MS4A5: variants seen among roughly 807,000 people sequenced by gnomAD.
MS4A5 encodes the protein membrane spanning 4-domains A5.
Under a neutral mutation model 18.2 loss-of-function variants are expected in MS4A5, and 15 were observed. The observed-to-expected ratio is 0.83, with a 90% CI of 0.55 to 1.27. The LOEUF (loss-of-function observed/expected upper bound fraction) is 1.27, where lower values mean the gene tolerates loss of function less well. Ranked by LOEUF, MS4A5 falls within the 50% of genes most tolerant of loss-of-function variation. The pLI, the probability that MS4A5 is intolerant of heterozygous loss-of-function variation, is 0.00. For synonymous variants in MS4A5, 89 were observed against 78.7 expected (o/e 1.13, Z -0.69); for missense variants, 232 against 225.7 (o/e 1.03, Z -0.18).
intron 1 of MS4A5, 55 bp downstream of exon 1, chr11:60,429,882 A>T: frequency 6.6e-7 from 1 of 1,525,658 alleles, no homozygotes; most frequent in Non-Finnish European, 8.9e-7. Context: ...AAGGCTAGGG[A>T]AATTATCTGT....
At chr11:60,432,067 C>T (rs1353814539) in intron 2 of MS4A5, among the ~76,000 whole-genome samples, 2 of 152,148 alleles carry the variant, frequency 1.3e-5, no homozygotes, top group Non-Finnish European at 2.9e-5. Context: ...GGAATCCAAT[C>T]TTAATGATTA....
chr11:60,433,608 C>A (rs955280745), intron 3 of MS4A5, among the ~76,000 whole-genome samples, 157 bp from the exon 4 acceptor site: 1 of 152,124 alleles, frequency 6.6e-6, no homozygotes, highest in Admixed American at 6.5e-5. Flanking sequence ...AGGCCTGAAG[C>A]CCAAAGATGT....
At chr11:60,444,960 C>G (rs11600482) in intron 4 of MS4A5, among the ~76,000 whole-genome samples, 1 of 152,014 alleles carries the variant, frequency 6.6e-6, no homozygotes, top group African/African-American at 2.4e-5. Flanking sequence ...TGATAAGGAA[C>G]TCAAATTTCT....
chr11:60,447,371 A>ATGCTATGCT (rs1565190029), intron 4 of MS4A5, among the ~76,000 whole-genome samples: 4 of 100,376 alleles, frequency 4.0e-5, no homozygotes, highest in East Asian at 3.2e-4. Context: ...TATGCTATGC[A>ATGCTATGCT]ATGCAGTGCT....
At chr11:60,433,714 G>C (rs1340077188) in intron 3 of MS4A5, 51 bp from the exon 4 acceptor site, 1 of 1,565,222 alleles carries the variant, frequency 6.4e-7, no homozygotes, top group Non-Finnish European at 8.8e-7. Flanking sequence ...TGCTTTGTTT[G>C]TAGTACAGGC....
At chr11:60,442,358 A>G (rs2086117644) in intron 4 of MS4A5, among the ~76,000 whole-genome samples, 1 of 152,216 alleles carries the variant, frequency 6.6e-6, no homozygotes, top group Non-Finnish European at 1.5e-5. Flanking sequence ...TAAGAATACA[A>G]TAGCCATCAT....
In MS4A5 at chr11:60,433,923, T is replaced by A. The variant is rs780234166; in HGVS notation, c.492+6T>A. On this transcript the variant is annotated splice_donor_region_variant and intron_variant, in intron 4 of 4. Coordinates refer to ENST00000300190, the MANE Select transcript of MS4A5 (RefSeq NM_023945.3). ...CTGTTACTGTCCTGTTCTTGGTAAG[T>A]ATGTTGCATTTATAGAGTGATGAGT... is the stretch of plus-strand genomic sequence containing the variant. 5.6e-6 allele frequency: 9 copies of A among 1,613,296 alleles called. No homozygotes were observed. The highest frequency in any genetic ancestry group is 6.8e-6 in the Non-Finnish European group (8 of 1,179,390).
intron 4 of MS4A5, among the ~76,000 whole-genome samples, chr11:60,442,517 G>A (rs1176261764): frequency 6.6e-6 from 1 of 152,106 alleles, no homozygotes; most frequent in Non-Finnish European, 1.5e-5. Flanking sequence ...GGGAGGGAGA[G>A]CTTTAGAACA....
chr11:60,446,197 T>G (rs900298261), intron 4 of MS4A5, among the ~76,000 whole-genome samples: 1 of 152,142 alleles, frequency 6.6e-6, no homozygotes, highest in Non-Finnish European at 1.5e-5. Flanking sequence ...TTAAAAACCA[T>G]GTGGCTCTAA....
intron 4 of MS4A5, among the ~76,000 whole-genome samples, chr11:60,440,972 G>A (rs1157908953): frequency 8.0e-5 from 5 of 62,630 alleles, no homozygotes; most frequent in African/African-American, 2.4e-4. Context: ...AAAGACACAC[G>A]CACACGTATG....
At chr11:60,436,606 C>T (rs1201450906) in intron 4 of MS4A5, among the ~76,000 whole-genome samples, 1 of 133,630 alleles carries the variant, frequency 7.5e-6, no homozygotes, top group Non-Finnish European at 1.7e-5. Context: ...AACCAAGGCT[C>T]GAGAACTACG....
At chr11:60,446,455 GGGCCGGGCCATGGT>G (rs368926270) in intron 4 of MS4A5, among the ~76,000 whole-genome samples, 50 of 152,232 alleles carry the variant, frequency 3.3e-4, no homozygotes, top group African/African-American at 1.1e-3. Flanking sequence ...AACACAGGTG[GGGCCGGGCCATGGT>G]GGCTCATGCC....
chr11:60,433,727 G>A (rs770124384), intron 3 of MS4A5, 38 bp from the exon 4 acceptor site: 10 of 1,601,810 alleles, frequency 6.2e-6, no homozygotes, highest in East Asian at 2.2e-5. Flanking sequence ...GTACAGGCTG[G>A]ACCTCAGTCA....
chr11:60,435,929 G>T (rs1364458280), intron 4 of MS4A5, among the ~76,000 whole-genome samples: 1 of 152,238 alleles, frequency 6.6e-6, no homozygotes, highest in African/African-American at 2.4e-5. Flanking sequence ...TGGATCCCAC[G>T]ACAGCTCAAG....
intron 4 of MS4A5, among the ~76,000 whole-genome samples, chr11:60,447,224 C>CCTATG (rs1565189941): frequency 1.4e-5 from 2 of 141,526 alleles, no homozygotes; most frequent in African/African-American, 5.2e-5. Context: ...GCTATGCTAT[C>CCTATG]CTATGCTATG....
At chr11:60,444,056 AAAC>A (rs1159783848) in intron 4 of MS4A5, among the ~76,000 whole-genome samples, 1 of 152,236 alleles carries the variant, frequency 6.6e-6, no homozygotes, top group African/African-American at 2.4e-5. Flanking sequence ...TTTAGAAAAG[AAAC>A]AACACCAAAC....
rs146901160 is a variant in MS4A5, at chr11:60,429,659, T to C, written c.-16T>C. The C allele has an allele frequency of 3.1e-3, 4,975 of 1,600,812 alleles. 12 individuals carry two copies. Among genetic ancestry groups the C allele is most frequent in the Admixed American group, 4.0e-3 (230 of 56,864 alleles). ...CCAACTAAATCATCTCCTTTCAAATTATCACCGACACCATCATGGATTCAA... is the reference window on the plus strand; with the variant it reads ...CCAACTAAATCATCTCCTTTCAAATCATCACCGACACCATCATGGATTCAA... On this transcript the variant is annotated 5_prime_UTR_variant, in exon 1 of 5. Coordinates refer to ENST00000300190, the MANE Select transcript of MS4A5 (RefSeq NM_023945.3).
chr11:60,430,058 A>G (rs181101368), intron 1 of MS4A5, among the ~76,000 whole-genome samples: 2 of 152,342 alleles, frequency 1.3e-5, no homozygotes, highest in East Asian at 3.9e-4. Flanking sequence ...TTAAAAAGTG[A>G]TAGTTGCTAT....
At chr11:60,447,080 T>C (rs2086142643) in intron 4 of MS4A5, among the ~76,000 whole-genome samples, 1 of 152,060 alleles carries the variant, frequency 6.6e-6, no homozygotes. Context: ...TGCTATCCTA[T>C]GCTATGCTAG....
Sources: allele counts gnomAD v4.1 joint callset (sites outside exome capture counted in the v4.1 genomes callset), GRCh38; gene constraint gnomAD v4.1.1; transcripts MANE v1.5; gene names NCBI Gene and HGNC (gene_info 2026-07-23, HGNC 2026-07-21).